The following RELN variants were observed in gnomAD, a reference collection of about 807,000 sequenced individuals.
RELN encodes reelin.
Under a neutral mutation model 427.6 loss-of-function variants are expected in RELN, and 108 were observed. The ratio of observed to expected loss-of-function variants is 0.25; its 90% CI spans 0.22 to 0.30. The LOEUF (loss-of-function observed/expected upper bound fraction) is 0.30, where lower values mean the gene tolerates loss of function less well. Ranked by LOEUF, RELN falls within the 10% of genes least tolerant of loss-of-function variation. The probability of loss-of-function intolerance (pLI) is 1.00; values close to 1 mark genes in which losing one functional copy is unlikely to be tolerated. For synonymous variants in RELN, 1,524 were observed against 1,513.4 expected (o/e 1.01, Z -0.16); for missense variants, 3,715 against 4,302.8 (o/e 0.86, Z 3.82).
intron 51 of RELN, among the ~76,000 whole-genome samples, chr7:103,507,913 C>A (rs1329456420): frequency 6.6e-6 from 1 of 152,156 alleles, no homozygotes; most frequent in Non-Finnish European, 1.5e-5. Flanking sequence ...CACCTCTATG[C>A]AAATAAACTA....
rs377399092 is a variant in RELN at position 103,835,848 on chromosome 7, G to A, written c.338-2176C>T. ...ACCTAGTACCCTATCTGGAAGCAGT[G>A]GTCTCTCATAAATCTTGATTTTCTT... On this transcript the variant is annotated intron_variant, in intron 2 of 64. Coordinates refer to ENST00000428762, the MANE Select transcript of RELN (RefSeq NM_005045.4). Among the ~76,000 whole-genome samples the A allele has an allele frequency of 4.5e-4, 68 of 151,822 alleles. 3 individuals are homozygous for A. Among genetic ancestry groups the A allele is most frequent in the African/African-American group, 1.6e-3 (65 of 41,348 alleles).
intron 28 of RELN, among the ~76,000 whole-genome samples, chr7:103,579,644 C>T (rs935154603): frequency 6.7e-6 from 1 of 149,448 alleles, no homozygotes; most frequent in Non-Finnish European, 1.5e-5. Context: ...TTTGATTATT[C>T]TATTCAAAAA....
chr7:103,549,975 C>T (rs1830377681), intron 41 of RELN, among the ~76,000 whole-genome samples: 1 of 152,216 alleles, frequency 6.6e-6, no homozygotes, highest in South Asian at 2.1e-4. Context: ...TCTCCAGAGA[C>T]ACTCTTTGCC....
chr7:103,504,950 CAG>C (rs1829158115), intron 51 of RELN, among the ~76,000 whole-genome samples: 1 of 152,166 alleles, frequency 6.6e-6, no homozygotes. Context: ...ACTGTGTAAA[CAG>C]AGCCACCCAG....
In RELN at chr7:103,953,778, G is replaced by A. The variant is rs1008192654; in HGVS notation, c.226+35353C>T. Reference sequence around the variant, plus strand: ...TGAAACCCCATCTCTTCTAAAAATAGAAAATTATCCAGGTGTGGTGGCACA... The same window carrying A: ...TGAAACCCCATCTCTTCTAAAAATAAAAAATTATCCAGGTGTGGTGGCACA... On this transcript the variant is annotated intron_variant, in intron 1 of 64. Transcript: ENST00000428762. This position sits in a 1 kb window ranked among gnomAD's most constrained non-coding sequence, Gnocchi z 4.3. 6.6e-6 allele frequency among the ~76,000 whole-genome samples: 1 copy of A among 150,958 alleles called. No individual in the cohort carries two copies. The highest frequency in any genetic ancestry group is 2.4e-5 in the African/African-American group (1 of 40,996).
intron 12 of RELN, among the ~76,000 whole-genome samples, chr7:103,661,039 T>C (rs1265279401): frequency 1.3e-5 from 2 of 152,194 alleles, no homozygotes; most frequent in African/African-American, 4.8e-5. Flanking sequence ...ATGACTATTT[T>C]TGGGGGGAAG....
At chr7:103,933,956 T>A (rs770259631) in intron 1 of RELN, among the ~76,000 whole-genome samples, 2 of 152,208 alleles carry the variant, frequency 1.3e-5, no homozygotes, top group Non-Finnish European at 2.9e-5. Context: ...CACGAAGGGT[T>A]CTGTGGCACC....
intron 31 of RELN, among the ~76,000 whole-genome samples, chr7:103,571,722 A>G (rs900584734): frequency 1.3e-5 from 2 of 152,212 alleles, no homozygotes; most frequent in Non-Finnish European, 2.9e-5. Flanking sequence ...AGTAAAAGAT[A>G]ACATTTATTA....
intron 31 of RELN, among the ~76,000 whole-genome samples, chr7:103,567,968 T>C (rs1830798093): frequency 6.6e-6 from 1 of 152,088 alleles, no homozygotes; most frequent in African/African-American, 2.4e-5. Context: ...GGCTAATTTT[T>C]GTACTTTTTG....
At chr7:103,866,017 T>A (rs891462094) in intron 2 of RELN, among the ~76,000 whole-genome samples, 1 of 152,252 alleles carries the variant, frequency 6.6e-6, no homozygotes, top group Middle Eastern at 3.4e-3. Flanking sequence ...TGAGTTCAGT[T>A]TATCTGCAAA....
chr7:103,926,627 G>GTTTTTT lies in RELN; in HGVS notation c.227-9448_227-9443dup, dbSNP rs60259062. On this transcript the variant is annotated intron_variant, in intron 1 of 64. Transcript: ENST00000428762. Reference sequence around the variant, plus strand: ...CGAACGCAGCTCTAAAGTATCATAAGTTTTTTTTTTTTTTTTTTTTTTTTT... The same window carrying GTTTTTT: ...CGAACGCAGCTCTAAAGTATCATAAGTTTTTTTTTTTTTTTTTTTTTTTTTTTTTTT... Among the ~76,000 whole-genome samples, 208 of 99,448 alleles carry GTTTTTT rather than the reference G, an allele frequency of 2.1e-3. 8 individuals are homozygous for GTTTTTT. The highest frequency in any genetic ancestry group is 2.4e-3 in the Non-Finnish European group (118 of 49,186). The allele number at this position is 99,448 out of a possible 152,430, so 65.2% of individuals were successfully genotyped here. A position where few individuals can be genotyped will look rare whatever the true frequency, so the allele number is the denominator to read the frequency against.
chr7:103,710,063 A>G (rs1789755543), intron 8 of RELN, among the ~76,000 whole-genome samples: 1 of 152,206 alleles, frequency 6.6e-6, no homozygotes, highest in African/African-American at 2.4e-5. Flanking sequence ...TCTAAGTGTA[A>G]TGTTCAATTC....
chr7:103,639,254 T>G (rs1444267989), intron 17 of RELN, among the ~76,000 whole-genome samples: 2 of 152,174 alleles, frequency 1.3e-5, no homozygotes, highest in Non-Finnish European at 2.9e-5. Flanking sequence ...ATTCTTCACA[T>G]ACTTTATAAA....
intron 1 of RELN, among the ~76,000 whole-genome samples, chr7:103,937,944 T>A (rs969961420): frequency 6.6e-6 from 1 of 152,164 alleles, no homozygotes; most frequent in Non-Finnish European, 1.5e-5. Context: ...TTTCACCCCA[T>A]CCCCACTAAC....
chr7:103,510,859 G>C lies in RELN; in HGVS notation c.8266C>G (p.Gln2756Glu). The change falls in exon 51 of 65, where the codon CAA (glutamine) becomes GAA (glutamate). Residue 2756 changes from glutamine (Q) to glutamate (E), a missense_variant. Around this residue, in one of 4 missense-constraint regions of RELN, gnomAD observed 1,310 missense variants for 1,643.0 expected, o/e 0.80. Transcript: ENST00000428762. Reference protein sequence around the residue: ...DLTPTEGWIMQFKISVGCKVS... With the variant: ...DLTPTEGWIMEFKISVGCKVS... ...AGATCATAACATTTCACCTTGAATT[G>C]CATAATCCAGCCTTCAGTGGGAGTC... The C allele has an allele frequency of 6.2e-7, 1 of 1,612,356 alleles. No homozygotes were observed. The highest frequency in any genetic ancestry group is 8.5e-7 in the Non-Finnish European group (1 of 1,178,592).
chr7:103,540,062 G>T (rs759876316), intron 44 of RELN, 135 bp downstream of exon 44: 7 of 884,414 alleles, frequency 7.9e-6, no homozygotes, highest in Non-Finnish European at 1.3e-5. Flanking sequence ...ATCTAGCTGC[G>T]TGCCCTTGGG....
At chr7:103,766,789 T>C (rs1487119630) in intron 4 of RELN, among the ~76,000 whole-genome samples, 1 of 152,168 alleles carries the variant, frequency 6.6e-6, no homozygotes, top group Non-Finnish European at 1.5e-5. Flanking sequence ...GTTCTGAGGG[T>C]GATGAACAGC....
chr7:103,869,355 C>T (rs1431351705), intron 2 of RELN, among the ~76,000 whole-genome samples: 5 of 151,886 alleles, frequency 3.3e-5, no homozygotes, highest in Non-Finnish European at 5.9e-5. Flanking sequence ...TTCTTTATAC[C>T]TTTTTTTACT....
chr7:103,915,443 T>C (rs1795462662), intron 2 of RELN, among the ~76,000 whole-genome samples: 1 of 151,828 alleles, frequency 6.6e-6, no homozygotes, highest in Non-Finnish European at 1.5e-5. Context: ...CACTTTAACA[T>C]GGATCAACAT....
Sources: allele counts gnomAD v4.1 joint callset (sites outside exome capture counted in the v4.1 genomes callset), GRCh38; gene constraint gnomAD v4.1.1; regional missense constraint gnomAD v4.1.1; non-coding constraint Gnocchi (gnomAD v3.1); transcripts MANE v1.5; gene names NCBI Gene and HGNC (gene_info 2026-07-23, HGNC 2026-07-21).